Variants in VEGFA observed in about 807,000 individuals in gnomAD.
VEGFA encodes the protein vascular endothelial growth factor A, long form.
VEGFA carries 20 observed loss-of-function variants against 49.7 expected under a neutral mutation model. That is an observed-to-expected ratio of 0.40 (90% CI 0.28 to 0.58). The LOEUF is 0.58. Among genes scored for constraint, VEGFA ranks in the 20% least tolerant of loss-of-function variants. The pLI is 0.40. For missense variants in VEGFA, 505 were observed against 553.5 expected (o/e 0.91, Z 0.88); for synonymous variants, 219 against 223.4 (o/e 0.98, Z 0.18).
rs138919899 is a variant in VEGFA at position 43,774,381 on chromosome 6, A to T, written c.647A>T (p.Asn216Ile). The T allele has an allele frequency of 1.7e-4, 270 of 1,614,204 alleles. No homozygotes were observed. The African/African-American group carries it at 3.1e-3, about 18-fold the overall frequency. The change falls in exon 2 of 8, where the codon AAT (asparagine) becomes ATT (isoleucine). Residue 216 changes from asparagine (N) to isoleucine (I), a missense_variant. This residue lies in a region of VEGFA where 340 missense variants were observed against 321.8 expected (regional missense o/e 1.06). Transcript: ENST00000672860. ...CCCATGGCAGAAGGAGGAGGGCAGA[A>T]TCATCACGAAGGTGAGTCCCCCTGG...
rs1582460373 is a variant in VEGFA at position 43,770,989 on chromosome 6, G to C, written c.283G>C (p.Gly95Arg). ...CCGGGAGGAGCCGCAGCCGGAGGAG[G>C]GGGAGGAGGAAGAAGAGAAGGAAGA... is the stretch of plus-strand genomic sequence containing the variant. Residue 95 changes from glycine (G) to arginine (R), a missense_variant, in exon 1 of 8, where the codon GGG (glycine) becomes CGG (arginine). Physicochemically the swap from Gly to Arg is moderately radical, Grantham distance 125. Around this residue, in one of 2 missense-constraint regions of VEGFA, gnomAD observed 340 missense variants for 321.8 expected, o/e 1.06. Transcript: ENST00000672860. 1 of 1,542,848 alleles carries C rather than the reference G, an allele frequency of 6.5e-7. No individual in the cohort carries two copies.
chr6:43,772,067 CCCGCCAGCCCT>C, intron 1 of VEGFA: 1 of 985,586 alleles, frequency 1.0e-6, no homozygotes, highest in Non-Finnish European at 1.2e-6. Flanking sequence ...CACCCCTCCC[CCCGCCAGCCCT>C]CCGCGGGAAG....
intron 1 of VEGFA, chr6:43,771,883 C>A: frequency 3.3e-6 from 1 of 302,470 alleles, no homozygotes; most frequent in Non-Finnish European, 4.9e-6. Context: ...CCCTGCTGGG[C>A]CACCTGCGCC....
At chr6:43,776,480 A>G (rs1001830377) in intron 2 of VEGFA, 6 of 152,134 alleles carry the variant, frequency 3.9e-5, no homozygotes, top group African/African-American at 1.4e-4. Context: ...GCTCCAGTGC[A>G]CCCCAGGCTT....
At chr6:43,776,067 G>C (rs1490114425) in intron 2 of VEGFA, 2 of 152,162 alleles carry the variant, frequency 1.3e-5, no homozygotes, top group African/African-American at 2.4e-5. Flanking sequence ...AAGATGCTTT[G>C]GTGAAGTTCT....
chr6:43,780,998 TG>T (rs981210289), intron 6 of VEGFA, 195 bp downstream of exon 6: 18 of 1,403,828 alleles, frequency 1.3e-5, no homozygotes, highest in Admixed American at 1.9e-5. Flanking sequence ...GTGGCATTGC[TG>T]GTCCAGGGTT....
intron 7 of VEGFA, 110 bp downstream of exon 7, chr6:43,782,197 G>A (rs1768058912): frequency 6.7e-7 from 1 of 1,484,186 alleles, no homozygotes; most frequent in Non-Finnish European, 9.1e-7. Context: ...CCTGAGAGGG[G>A]CCAGCTGCTT....
intron 6 of VEGFA, chr6:43,781,475 G>C: frequency 3.9e-6 from 1 of 258,110 alleles, no homozygotes. Context: ...GGCCACCAGC[G>C]GCCTGGCCTG....
At chr6:43,772,196 G>A in intron 1 of VEGFA, 1 of 420,706 alleles carries the variant, frequency 2.4e-6, no homozygotes, top group Non-Finnish European at 3.2e-6. Flanking sequence ...ATTTCCTGAC[G>A]CCCCTTCTCT....
At chr6:43,780,991 G>A in intron 6 of VEGFA, 188 bp downstream of exon 6, 5 of 1,438,118 alleles carry the variant, frequency 3.5e-6, no homozygotes, top group Admixed American at 1.9e-5. Context: ...TTTGGTGGTG[G>A]CATTGCTGGT....
intron 7 of VEGFA, 95 bp from the exon 8 acceptor site, chr6:43,784,446 A>G (rs1037325491): frequency 1.6e-6 from 2 of 1,244,412 alleles, no homozygotes; most frequent in East Asian, 4.6e-5. Flanking sequence ...GGCTGCAGTG[A>G]CCCAGGGGCC....
At chr6:43,781,782 T>A (rs1582526463) in intron 6 of VEGFA, 174 bp from the exon 7 acceptor site, 1 of 807,922 alleles carries the variant, frequency 1.2e-6, no homozygotes, top group South Asian at 1.5e-5. Flanking sequence ...GCTGCCTCTT[T>A]CCGCCGCTCT....
At chr6:43,784,320 G>A (rs933425392) in intron 7 of VEGFA, 5 of 617,294 alleles carry the variant, frequency 8.1e-6, no homozygotes, top group Non-Finnish European at 1.4e-5. Flanking sequence ...GAGCCCCTGA[G>A]TGGAGCTGCT....
Position 43,771,094 on chromosome 6 carries a change from G to T in VEGFA, c.388G>T (p.Ala130Ser). The T allele has an allele frequency of 2.0e-6, 3 of 1,471,830 alleles. No individual in the cohort carries two copies. The highest frequency in any genetic ancestry group is 2.4e-4 in the Middle Eastern group (1 of 4,172). The allele number at this position is 1,471,830 out of a possible 1,614,324, so 91.2% of individuals were successfully genotyped here. A position where few individuals can be genotyped will look rare whatever the true frequency, so the allele number is the denominator to read the frequency against. Reference sequence around the variant, plus strand: ...TGAGGCGGCGGTGTGCGCAGACAGTGCTCCAGCCGCGCGCGCTCCCCAGGC... The same window carrying T: ...TGAGGCGGCGGTGTGCGCAGACAGTTCTCCAGCCGCGCGCGCTCCCCAGGC... The change falls in exon 1 of 8, where the codon GCT becomes TCT. Residue 130 changes from alanine (A) to serine (S), a missense_variant. Physicochemically the swap from Ala to Ser is moderately conservative, Grantham distance 99. This residue lies in a region of VEGFA where 340 missense variants were observed against 321.8 expected (regional missense o/e 1.06). Transcript: ENST00000672860.
intron 5 of VEGFA, 78 bp downstream of exon 5, chr6:43,778,996 G>T: frequency 6.3e-7 from 1 of 1,590,362 alleles, no homozygotes. Context: ...TACCTCTGTT[G>T]GGGGCTCCCA....
In VEGFA at chr6:43,770,253, T is replaced by G; in HGVS notation, c.-454T>G. ...CCGGGTAGCTCGGAGGTCGTGGCGC[T>G]GGGGGCTAGCACCAGCGCTCTGTCG... On this transcript the variant is annotated 5_prime_UTR_variant, in exon 1 of 8. Coordinates refer to ENST00000672860, the MANE Select transcript of VEGFA (RefSeq NM_003376.6). The G allele has an allele frequency of 8.3e-6, 2 of 241,616 alleles. No individual in the cohort carries two copies. The highest frequency in any genetic ancestry group is 1.2e-4 in the East Asian group (2 of 17,072). The allele number at this position is 241,616 out of a possible 1,614,324, so 15.0% of individuals were successfully genotyped here. A position where few individuals can be genotyped will look rare whatever the true frequency, so the allele number is the denominator to read the frequency against.
intron 7 of VEGFA, 141 bp downstream of exon 7, chr6:43,782,228 C>A (rs1287110377): frequency 1.1e-5 from 14 of 1,263,100 alleles, no homozygotes; most frequent in Non-Finnish European, 1.5e-5. Flanking sequence ...TAGCTGCCTG[C>A]CTGGTGACTG....
chr6:43,771,381 C>T (rs772464063), intron 1 of VEGFA, 69 bp downstream of exon 1: 56 of 1,515,910 alleles, frequency 3.7e-5, no homozygotes, highest in Non-Finnish European at 4.8e-5. Flanking sequence ...GACGTGCGTG[C>T]GAGCGCGCGC....
At position 43,777,892 on chromosome 6, in the gene VEGFA, C is replaced by T; in HGVS notation, c.855+227C>T. On this transcript the variant is annotated intron_variant, in intron 3 of 7. Coordinates refer to ENST00000672860, the MANE Select transcript of VEGFA (RefSeq NM_003376.6). This position sits in a 1 kb window ranked among gnomAD's most constrained non-coding sequence, Gnocchi z 4.3. ...CATCTCCTTCTCCCTGATGGTTGCC[C>T]ATGGGCTCAGGAGGGGACAGATGGA... 1.7e-6 allele frequency: 1 copy of T among 593,376 alleles called. No homozygotes were observed. The highest frequency in any genetic ancestry group is 3.0e-6 in the Non-Finnish European group (1 of 334,108). 36.8% of individuals were successfully genotyped at this position (593,376 alleles called of 1,614,324 possible). A position where few individuals can be genotyped will look rare whatever the true frequency, so the allele number is the denominator to read the frequency against.
Sources: allele counts gnomAD v4.1 joint callset, GRCh38; gene constraint gnomAD v4.1.1; regional missense constraint gnomAD v4.1.1; non-coding constraint Gnocchi (gnomAD v3.1); transcripts MANE v1.5; gene names NCBI Gene and HGNC (gene_info 2026-07-23, HGNC 2026-07-21).